Variants in ZBTB7C observed in about 807,000 individuals in gnomAD.
ZBTB7C encodes the protein zinc finger and BTB domain containing 7C.
In ZBTB7C, 8 loss-of-function variants were observed where a neutral mutation model predicts 25.7. That is an observed-to-expected ratio of 0.31 (90% confidence interval 0.18 to 0.56). ZBTB7C has a LOEUF of 0.56. Among genes scored for constraint, ZBTB7C ranks in the 20% least tolerant of loss-of-function variants. The probability of loss-of-function intolerance (pLI) is 0.91; values close to 1 mark genes in which losing one functional copy is unlikely to be tolerated. For synonymous variants in ZBTB7C, 394 were observed against 369.0 expected (o/e 1.07, Z -0.78); for missense variants, 824 against 855.2 (o/e 0.96, Z 0.46).
chr18:48,148,505 G>C (rs1464602972), intron 3 of ZBTB7C: 1 of 152,150 alleles, frequency 6.6e-6, no homozygotes, highest in Non-Finnish European at 1.5e-5. Flanking sequence ...AGACTTGATG[G>C]ACCCAGTCTA....
At chr18:48,115,898 C>T (rs1479064016) in intron 3 of ZBTB7C, among the ~76,000 whole-genome samples, 1 of 151,904 alleles carries the variant, frequency 6.6e-6, no homozygotes, top group Non-Finnish European at 1.5e-5. Flanking sequence ...GAAGAAAGGG[C>T]GGGGCATACC....
At chr18:48,308,409 G>T in intron 2 of ZBTB7C, among the ~76,000 whole-genome samples, 1 of 152,032 alleles carries the variant, frequency 6.6e-6, no homozygotes, top group Non-Finnish European at 1.5e-5. Context: ...CACTTTTGGG[G>T]GTCAGTCCAC....
intron 2 of ZBTB7C, among the ~76,000 whole-genome samples, chr18:48,208,001 G>A (rs374872155): frequency 5.4e-5 from 8 of 148,334 alleles, no homozygotes; most frequent in Admixed American, 2.0e-4. Context: ...GTGCATTTAA[G>A]GTTTGGACAC....
At chr18:48,224,973 C>T (rs1337528414) in intron 2 of ZBTB7C, among the ~76,000 whole-genome samples, 1 of 152,140 alleles carries the variant, frequency 6.6e-6, no homozygotes, top group Admixed American at 6.5e-5. Context: ...TTAAATTTAT[C>T]CACAGTAAAC....
chr18:48,252,724 C>T (rs1030855853), intron 2 of ZBTB7C: 3 of 152,296 alleles, frequency 2.0e-5, no homozygotes, highest in Non-Finnish European at 4.4e-5. Context: ...GATGATGTGG[C>T]GTGACCTCAC....
rs140105123 is a variant in ZBTB7C at position 48,052,699 on chromosome 18, G to A, written c.-16-11576C>T. Among the ~76,000 whole-genome samples the A allele has an allele frequency of 6.3e-3, 951 of 152,036 alleles. 2 individuals are homozygous for A. The highest frequency in any genetic ancestry group is 0.01 in the Middle Eastern group (3 of 294). Reference sequence around the variant, plus strand: ...AGCAGGCCAAAACCCTCTGGGGGAGGAATTATAGTTAAAATCCTAGCTCTG... The same window carrying A: ...AGCAGGCCAAAACCCTCTGGGGGAGAAATTATAGTTAAAATCCTAGCTCTG... On this transcript the variant is annotated intron_variant, in intron 3 of 4. Coordinates refer to ENST00000590800, the MANE Select transcript of ZBTB7C (RefSeq NM_001318841.2).
intron 4 of ZBTB7C, among the ~76,000 whole-genome samples, chr18:48,034,272 C>A (rs2035876779): frequency 6.6e-6 from 1 of 152,056 alleles, no homozygotes; most frequent in Non-Finnish European, 1.5e-5. Context: ...TCCTGCCTGC[C>A]CCCCATGGTA....
intron 2 of ZBTB7C, among the ~76,000 whole-genome samples, chr18:48,208,763 G>T (rs1369297930): frequency 4.6e-5 from 7 of 152,212 alleles, no homozygotes; most frequent in African/African-American, 1.7e-4. Context: ...CAGAAGGATG[G>T]CTGAGGTGTG....
chr18:48,194,582 A>G (rs920529991), intron 2 of ZBTB7C, among the ~76,000 whole-genome samples: 1 of 151,076 alleles, frequency 6.6e-6, no homozygotes, highest in South Asian at 2.1e-4. Context: ...CAGGATGGGG[A>G]GGATTTGGAG....
intron 2 of ZBTB7C, among the ~76,000 whole-genome samples, chr18:48,194,803 T>C (rs1186766337): frequency 7.3e-6 from 1 of 137,302 alleles, no homozygotes; most frequent in African/African-American, 2.8e-5. Flanking sequence ...TGGATAGCTG[T>C]GGGGAAGGGA....
At chr18:48,090,930 C>T (rs1286154058) in intron 3 of ZBTB7C, among the ~76,000 whole-genome samples, 1 of 152,072 alleles carries the variant, frequency 6.6e-6, no homozygotes, top group Admixed American at 6.5e-5. Flanking sequence ...CTCTCTCGAA[C>T]AGAACTGTCC....
chr18:48,390,896 C>T (rs913348776), intron 1 of ZBTB7C, among the ~76,000 whole-genome samples: 25 of 152,322 alleles, frequency 1.6e-4, no homozygotes, highest in Middle Eastern at 6.8e-3. Context: ...AAGACCCTTT[C>T]TCTGGCTCCT....
chr18:48,134,133 A>T (rs1464864967), intron 3 of ZBTB7C, among the ~76,000 whole-genome samples: 1 of 150,010 alleles, frequency 6.7e-6, no homozygotes, highest in Non-Finnish European at 1.5e-5. Flanking sequence ...GTAGAAAAAA[A>T]CTATTCTTCT....
intron 3 of ZBTB7C, among the ~76,000 whole-genome samples, chr18:48,100,142 A>G (rs2038780273): frequency 6.6e-6 from 1 of 152,190 alleles, no homozygotes; most frequent in Non-Finnish European, 1.5e-5. Flanking sequence ...GGTTGTTCTC[A>G]TCAAGTGCTC....
chr18:48,101,247 G>C (rs1164508608), intron 3 of ZBTB7C, among the ~76,000 whole-genome samples: 1 of 152,170 alleles, frequency 6.6e-6, no homozygotes, highest in Non-Finnish European at 1.5e-5. Flanking sequence ...GAATGCTCAA[G>C]ATTTTGCCAA....
intron 1 of ZBTB7C, among the ~76,000 whole-genome samples, chr18:48,387,359 T>C (rs757467126): frequency 7.2e-5 from 11 of 152,188 alleles, no homozygotes; most frequent in Non-Finnish European, 1.5e-4. Context: ...TGTACTGCAT[T>C]AATCTACCAA....
intron 2 of ZBTB7C, among the ~76,000 whole-genome samples, chr18:48,206,744 AGACAACAAAGCTGCTGAAC>A (rs1366206068): frequency 6.6e-6 from 1 of 152,232 alleles, no homozygotes; most frequent in Non-Finnish European, 1.5e-5. Context: ...ATGAAAGCTA[AGACAACAAAGCTGCTGAAC>A]GACACCCCTG....
intron 3 of ZBTB7C, among the ~76,000 whole-genome samples, chr18:48,184,641 GC>G (rs1270576156): frequency 1.3e-5 from 2 of 152,026 alleles, no homozygotes; most frequent in Non-Finnish European, 2.9e-5. Flanking sequence ...TATCCCAGCT[GC>G]CCCTCATCCT....
chr18:48,084,054 GCCT>G (rs2038091141), intron 3 of ZBTB7C, among the ~76,000 whole-genome samples: 1 of 152,192 alleles, frequency 6.6e-6, no homozygotes, highest in South Asian at 2.1e-4. Context: ...CAGGCATGAG[GCCT>G]CCTCTGCACC....
Sources: allele counts gnomAD v4.1 joint callset (sites outside exome capture counted in the v4.1 genomes callset), GRCh38; gene constraint gnomAD v4.1.1; transcripts MANE v1.5; gene names NCBI Gene and HGNC (gene_info 2026-07-23, HGNC 2026-07-21).